Variants in LY6S observed in about 807,000 individuals in gnomAD.
LY6S encodes the protein lymphocyte antigen 6S.
chr8:143,067,089 A>C, the LY6S span, among the ~76,000 whole-genome samples: 4 of 152,152 alleles, frequency 2.6e-5, no homozygotes, highest in Non-Finnish European at 4.4e-5. Flanking sequence ...CTCTGAGTTC[A>C]TGTGAGATGT....
chr8:143,057,681 G>T, the LY6S span: 1 of 854,800 alleles, frequency 1.2e-6, no homozygotes, highest in Non-Finnish European at 2.0e-6. Context: ...CTGGCGGGAT[G>T]AATCCAGCAA....
chr8:143,075,739 A>G, the LY6S span, among the ~76,000 whole-genome samples: 2 of 152,328 alleles, frequency 1.3e-5, no homozygotes, highest in African/African-American at 2.4e-5. This position sits in a 1 kb window ranked among gnomAD's most constrained non-coding sequence, Gnocchi z 4.1. Flanking sequence ...TTATTTCCCA[A>G]TGCAAATATA....
the LY6S span, among the ~76,000 whole-genome samples, chr8:143,068,106 G>A: frequency 8.5e-5 from 13 of 152,302 alleles, no homozygotes; most frequent in South Asian, 2.1e-4. Context: ...TGTCTCAGTG[G>A]GGGGAAACCT....
chr8:143,061,152 A>G, the LY6S span, among the ~76,000 whole-genome samples: 1 of 152,132 alleles, frequency 6.6e-6, no homozygotes, highest in African/African-American at 2.4e-5. Flanking sequence ...CAGGCCAGAC[A>G]TGGTGGCTCA....
the LY6S span, among the ~76,000 whole-genome samples, chr8:143,052,342 G>A: frequency 2.0e-5 from 3 of 152,166 alleles, no homozygotes; most frequent in African/African-American, 7.2e-5. Context: ...CACCTGGGTA[G>A]ACCATCTGTT....
the LY6S span, chr8:143,043,098 G>A: frequency 5.9e-5 from 80 of 1,367,512 alleles, no homozygotes; most frequent in Admixed American, 4.8e-4. Context: ...GTAGGCCTGC[G>A]GGGGAGAGGG....
the LY6S span, among the ~76,000 whole-genome samples, chr8:143,050,818 A>C: frequency 4.6e-5 from 7 of 152,192 alleles, no homozygotes; most frequent in Non-Finnish European, 1.0e-4. Flanking sequence ...AAAGAGGGGC[A>C]GGACATGCTG....
chr8:143,051,003 G>C, the LY6S span, among the ~76,000 whole-genome samples: 4 of 152,200 alleles, frequency 2.6e-5, no homozygotes, highest in African/African-American at 9.7e-5. Flanking sequence ...CATTTGGAAA[G>C]AACAGGTCTT....
At chr8:143,062,604 C>T in the LY6S span, among the ~76,000 whole-genome samples, 1 of 152,094 alleles carries the variant, frequency 6.6e-6, no homozygotes, top group Admixed American at 6.5e-5. Context: ...ACCTGGGAGG[C>T]GGATGTTACA....
At chr8:143,064,657 C>G in the LY6S span, among the ~76,000 whole-genome samples, 2 of 152,198 alleles carry the variant, frequency 1.3e-5, no homozygotes, top group African/African-American at 4.8e-5. Context: ...AATTGGCTTT[C>G]TGTGTCTGTG....
chr8:143,074,323 T>C, the LY6S span, among the ~76,000 whole-genome samples: 2 of 152,148 alleles, frequency 1.3e-5, no homozygotes, highest in Non-Finnish European at 2.9e-5. Flanking sequence ...TCTCTCTCTG[T>C]GCATGTGTGT....
chr8:143,070,485 AT>A, the LY6S span, among the ~76,000 whole-genome samples: 5 of 84,880 alleles, frequency 5.9e-5, 1 homozygote, highest in Non-Finnish European at 9.9e-5. Flanking sequence ...AAATATATAT[AT>A]ATATTTTTTT....
the LY6S span, among the ~76,000 whole-genome samples, chr8:143,069,341 A>G: frequency 6.6e-6 from 1 of 152,168 alleles, no homozygotes. Context: ...CAAACTGCAG[A>G]AGCCTTTTCC....
At chr8:143,049,234 C>A in the LY6S span, 1 of 534,776 alleles carries the variant, frequency 1.9e-6, no homozygotes, top group South Asian at 1.4e-5. Context: ...ACGGGAACCA[C>A]CTTCTCTACT....
the LY6S span, among the ~76,000 whole-genome samples, chr8:143,062,263 T>C: frequency 6.6e-6 from 1 of 152,202 alleles, no homozygotes; most frequent in South Asian, 2.1e-4. Flanking sequence ...ACTGACAAGG[T>C]AAAGTGAAAT....
At chr8:143,044,551 A>G in the LY6S span, 509 of 53,570 alleles carry the variant, frequency 9.5e-3, 4 homozygotes, top group African/African-American at 0.082. Context: ...CCCACCCCCC[A>G]CCTCAGGAGC....
At chr8:143,041,889 GC>G in the LY6S span, among the ~76,000 whole-genome samples, 8 of 137,804 alleles carry the variant, frequency 5.8e-5, no homozygotes, top group South Asian at 2.6e-4. Flanking sequence ...GGCGTTCTCA[GC>G]CCAGCCCTGA....
At chr8:143,052,228 C>G in the LY6S span, among the ~76,000 whole-genome samples, 3 of 152,056 alleles carry the variant, frequency 2.0e-5, no homozygotes, top group Non-Finnish European at 4.4e-5. Context: ...TTGCAGTGAG[C>G]CGAGATCGCA....
At chr8:143,061,279 C>T in the LY6S span, among the ~76,000 whole-genome samples, 7 of 150,824 alleles carry the variant, frequency 4.6e-5, no homozygotes, top group African/African-American at 1.2e-4. Flanking sequence ...AAAAAAATCA[C>T]TGAATGAAAA....
Sources: gnomAD v4.1 joint callset for allele counts (sites outside exome capture counted in the v4.1 genomes callset) on GRCh38, gnomAD v4.1.1 for gene constraint, Gnocchi (gnomAD v3.1) non-coding constraint, MANE v1.5 for transcripts, NCBI Gene and HGNC (gene_info 2026-07-23, HGNC 2026-07-21) for gene names.